ADAMTS17: variants seen among roughly 807,000 people sequenced by gnomAD.
ADAMTS17 encodes ADAM metallopeptidase with thrombospondin type 1 motif 17, also known as A disintegrin and metalloproteinase with thrombospondin motifs 17.
A neutral mutation model predicts 141.5 loss-of-function variants in ADAMTS17; 113 were observed. The ratio of observed to expected loss-of-function variants is 0.80; its 90% CI spans 0.69 to 0.93. The LOEUF (loss-of-function observed/expected upper bound fraction) is 0.93, where lower values mean the gene tolerates loss of function less well. Ranked by LOEUF, ADAMTS17 falls within the 40% of genes least tolerant of loss-of-function variation. The pLI is 0.00. For synonymous variants in ADAMTS17, 768 were observed against 630.6 expected, an observed-to-expected ratio of 1.22 and a Z score of -3.27; for missense variants, 1,659 against 1,517.9, an observed-to-expected ratio of 1.09 and a Z score of -1.54.
Position 99,997,741 on chromosome 15 carries a change from A to G in ADAMTS17, c.2592-152T>C, listed in dbSNP as rs1055870061. On this transcript the variant is annotated intron_variant, in intron 18 of 21. Transcript: ENST00000268070. The surrounding 1 kb of genome is among the most constrained non-coding windows in gnomAD (Gnocchi z 4.7). The stretch of plus-strand genomic sequence containing the variant: ...TTTCAGCCAACCCTGGACATAACTC[A>G]GAGTATCGGCACAGAGGGAGTGACT... The G allele has an allele frequency of 3.3e-6, 3 of 919,094 alleles. No homozygotes were observed. Among genetic ancestry groups the G allele is most frequent in the Non-Finnish European group, 5.1e-6 (3 of 593,662 alleles). 56.9% of individuals were successfully genotyped at this position (919,094 alleles called of 1,614,324 possible). A position where few individuals can be genotyped will look rare whatever the true frequency, so the allele number is the denominator to read the frequency against.
At chr15:100,259,350 GCACCCAGGGTATTCTA>G (rs1220226543) in intron 6 of ADAMTS17, among the ~76,000 whole-genome samples, 1 of 152,192 alleles carries the variant, frequency 6.6e-6, no homozygotes, top group Non-Finnish European at 1.5e-5. Context: ...GAATGCTGCG[GCACCCAGGGTATTCTA>G]CAGAAAGCCT....
At chr15:100,000,307 G>A (rs897979470) in intron 18 of ADAMTS17, among the ~76,000 whole-genome samples, 6 of 152,156 alleles carry the variant, frequency 3.9e-5, no homozygotes, top group Non-Finnish European at 5.9e-5. Context: ...TCTTAAATAT[G>A]TGAAGACAGT....
intron 4 of ADAMTS17, among the ~76,000 whole-genome samples, chr15:100,280,133 G>C (rs1444854502): frequency 6.6e-6 from 1 of 152,120 alleles, no homozygotes; most frequent in Non-Finnish European, 1.5e-5. Context: ...TTCCCACCAA[G>C]ACATCTGTCC....
At chr15:100,159,169 C>T (rs1450702368) in intron 8 of ADAMTS17, among the ~76,000 whole-genome samples, 1 of 152,166 alleles carries the variant, frequency 6.6e-6, no homozygotes, top group African/African-American at 2.4e-5. Context: ...GACATCACTC[C>T]CACGTTCAGT....
At chr15:99,995,927 T>A (rs545833677) in intron 19 of ADAMTS17, among the ~76,000 whole-genome samples, 11 of 152,330 alleles carry the variant, frequency 7.2e-5, no homozygotes, top group Middle Eastern at 3.4e-3. Flanking sequence ...CAGAGAAATT[T>A]CTTTAAATCT....
chr15:100,290,491 G>C (rs2044592577), intron 3 of ADAMTS17, among the ~76,000 whole-genome samples: 1 of 152,058 alleles, frequency 6.6e-6, no homozygotes, highest in Admixed American at 6.5e-5. Context: ...ATTCTTCACA[G>C]GATTAGAAAA....
intron 7 of ADAMTS17, among the ~76,000 whole-genome samples, chr15:100,249,104 GT>G (rs1481010654): frequency 1.3e-5 from 2 of 152,130 alleles, no homozygotes; most frequent in African/African-American, 2.4e-5. Context: ...TGGACCTGGT[GT>G]GACTTTTTGA....
intron 18 of ADAMTS17, among the ~76,000 whole-genome samples, chr15:100,039,743 G>C (rs989488048): frequency 4.6e-5 from 7 of 152,160 alleles, no homozygotes; most frequent in African/African-American, 1.4e-4. Context: ...ATTGGGTTTG[G>C]TTGGTTTATA....
At chr15:100,165,579 T>A (rs2039918151) in intron 8 of ADAMTS17, among the ~76,000 whole-genome samples, 1 of 152,230 alleles carries the variant, frequency 6.6e-6, no homozygotes, top group Non-Finnish European at 1.5e-5. Flanking sequence ...GCCTTATGAC[T>A]TGAATAGACT....
At position 100,071,390 on chromosome 15, in the gene ADAMTS17, T is replaced by G. The variant is rs1190142332; in HGVS notation, c.2138-17336A>C. Among the ~76,000 whole-genome samples, 12 of 150,128 alleles carry G rather than the reference T, an allele frequency of 8.0e-5. 1 individual carries two copies. The highest frequency in any genetic ancestry group is 1.9e-4 in the East Asian group (1 of 5,144). ...AGAGGGAATCCTCCCTAACTCATTT[T>G]ATGAGGCCAGCATCATCCTGATACC... is the stretch of plus-strand genomic sequence containing the variant. On this transcript the variant is annotated intron_variant, in intron 15 of 21. Transcript: ENST00000268070.
At chr15:100,037,451 C>A (rs577452537) in intron 18 of ADAMTS17, among the ~76,000 whole-genome samples, 1 of 151,298 alleles carries the variant, frequency 6.6e-6, no homozygotes, top group South Asian at 2.1e-4. Flanking sequence ...CACTCTGTAG[C>A]CCAAGCTGGA....
chr15:100,099,981 C>T (rs1051122051), intron 14 of ADAMTS17, among the ~76,000 whole-genome samples: 2 of 152,220 alleles, frequency 1.3e-5, no homozygotes, highest in Admixed American at 6.5e-5. Flanking sequence ...ACAACAGCCT[C>T]CTGGTCATCA....
intron 6 of ADAMTS17, among the ~76,000 whole-genome samples, chr15:100,260,229 C>T (rs967020960): frequency 8.5e-5 from 13 of 152,174 alleles, no homozygotes; most frequent in Non-Finnish European, 1.5e-4. Context: ...ATGACTGAGA[C>T]GTCATGGGGC....
At chr15:100,102,614 G>T (rs576471587) in intron 14 of ADAMTS17, among the ~76,000 whole-genome samples, 44 of 151,476 alleles carry the variant, frequency 2.9e-4, no homozygotes, top group Non-Finnish European at 4.9e-4. Flanking sequence ...TTTGAAGGCC[G>T]ACTGAAAGGG....
chr15:100,052,340 T>A (rs954262347), intron 16 of ADAMTS17, among the ~76,000 whole-genome samples: 1 of 152,234 alleles, frequency 6.6e-6, no homozygotes, highest in African/African-American at 2.4e-5. Flanking sequence ...GCTTTCTATA[T>A]AGAGGCAAAG....
chr15:100,137,914 ACCAATG>A (rs1223670766), intron 10 of ADAMTS17, among the ~76,000 whole-genome samples: 2 of 150,872 alleles, frequency 1.3e-5, no homozygotes, highest in African/African-American at 4.9e-5. Context: ...CACTGCCAAC[ACCAATG>A]CCCACCCTTT....
At chr15:100,116,152 A>C (rs1001813393) in intron 13 of ADAMTS17, among the ~76,000 whole-genome samples, 1 of 151,138 alleles carries the variant, frequency 6.6e-6, no homozygotes, top group South Asian at 2.1e-4. Context: ...AAAAAAAAAA[A>C]AAAAAACCCA....
chr15:100,182,439 G>A (rs887373136), intron 8 of ADAMTS17, among the ~76,000 whole-genome samples: 2 of 152,134 alleles, frequency 1.3e-5, no homozygotes, highest in Middle Eastern at 3.2e-3. Context: ...CACTGTGATA[G>A]GGCAGCATTG....
chr15:100,146,705 G>C (rs139406576), intron 10 of ADAMTS17, among the ~76,000 whole-genome samples: 2 of 33,196 alleles, frequency 6.0e-5, no homozygotes, highest in African/African-American at 1.2e-4. Flanking sequence ...AAGCAAATGG[G>C]AGAAGTATCG....
Sources: gnomAD v4.1 joint callset for allele counts (sites outside exome capture counted in the v4.1 genomes callset) on GRCh38, gnomAD v4.1.1 for gene constraint, Gnocchi (gnomAD v3.1) non-coding constraint, MANE v1.5 for transcripts, NCBI Gene and HGNC (gene_info 2026-07-23, HGNC 2026-07-21) for gene names.